The following CD22 variants were observed in gnomAD, a reference collection of about 807,000 sequenced individuals.
The protein encoded by CD22 is B-cell receptor CD22.
CD22 carries 51 observed loss-of-function variants against 94.7 expected under a neutral mutation model. The ratio of observed to expected loss-of-function variants is 0.54; its 90% CI spans 0.43 to 0.68. The LOEUF is 0.68. Among genes scored for constraint, CD22 ranks in the 30% least tolerant of loss-of-function variants. CD22 has a pLI of 0.00. For synonymous variants in CD22, 424 were observed against 422.5 expected, an observed-to-expected ratio of 1.00 and a Z score of -0.04; for missense variants, 931 against 1,060.4, an observed-to-expected ratio of 0.88 and a Z score of 1.69.
At chr19:35,345,878 G>T (rs1490147907) in intron 12 of CD22, among the ~76,000 whole-genome samples, 158 bp downstream of exon 12, 2 of 152,218 alleles carry the variant, frequency 1.3e-5, no homozygotes, top group African/African-American at 4.8e-5. Context: ...GTAAGGGCCA[G>T]TCTCCAGAAG....
chr19:35,332,053 G>C lies in CD22; in HGVS notation c.13G>C (p.Gly5Arg), dbSNP rs773232306. 1 of 1,613,754 alleles carries C rather than the reference G, an allele frequency of 6.2e-7. No individual in the cohort carries two copies. The highest frequency in any genetic ancestry group is 1.3e-5 in the African/African-American group (1 of 74,864). Reference protein sequence around the residue: MHLLGPWLLLLVLEY... With the variant: MHLLRPWLLLLVLEY... ...CAGACACGACACCATGCATCTCCTCGGCCCCTGGCTCCTGCTCCTGGGTAA... is the reference window on the plus strand; with the variant it reads ...CAGACACGACACCATGCATCTCCTCCGCCCCTGGCTCCTGCTCCTGGGTAA... The change falls in exon 2 of 14, where the codon GGC (glycine) becomes CGC (arginine). Residue 5 changes from glycine to arginine, a missense_variant. By Grantham distance (125) the Gly-to-Arg change is moderately radical. Transcript: ENST00000085219.
At position 35,346,149 on chromosome 19, in the gene CD22, A is replaced by G; in HGVS notation, c.2328-2A>G. 1 of 1,610,518 alleles carries G rather than the reference A, an allele frequency of 6.2e-7. No homozygotes were observed. The highest frequency in any genetic ancestry group is 8.5e-7 in the Non-Finnish European group (1 of 1,176,862). On this transcript the variant is annotated splice_acceptor_variant, in intron 12 of 13. Coordinates refer to ENST00000085219, the MANE Select transcript of CD22 (RefSeq NM_001771.4). LOFTEE classifies it high-confidence loss of function. ...TGGTCGTCTATCTGCCCTGTCTCTC[A>G]GAGATGCAGAGTCCTCAGAGATGCA...
intron 9 of CD22, 137 bp downstream of exon 9, chr19:35,342,102 CTCT>C (rs2066823963): frequency 2.7e-6 from 2 of 731,270 alleles, no homozygotes; most frequent in Non-Finnish European, 4.4e-6. Flanking sequence ...CCTCCTCCTC[CTCT>C]TCCTCCTTCT....
chr19:35,344,186 A>G (rs538321304), intron 9 of CD22, among the ~76,000 whole-genome samples: 2 of 120,812 alleles, frequency 1.7e-5, no homozygotes, highest in South Asian at 5.4e-4. Context: ...AAAGAGCGAG[A>G]CTCTGTCTCA....
At position 35,341,685 on chromosome 19, in the gene CD22, C is replaced by G; in HGVS notation, c.1772-17C>G. The G allele has an allele frequency of 6.2e-7, 1 of 1,607,138 alleles. No individual in the cohort carries two copies. Among genetic ancestry groups the G allele is most frequent in the South Asian group, 1.1e-5 (1 of 90,856 alleles). On this transcript the variant is annotated splice_polypyrimidine_tract_variant and intron_variant, in intron 8 of 13. Transcript: ENST00000085219. This position sits in a 1 kb window ranked among gnomAD's most constrained non-coding sequence, Gnocchi z 4.0. ...CTGGTAGTGACTTCGCACCCCCTCC[C>G]CCTGCCCGCCATGCAGATGCACCCA...
rs771791232 is a variant in CD22 at position 35,346,593 on chromosome 19, T to G, written c.2440T>G (p.Phe814Val). ...CGACTATGAGAACGTCATTCCAGAT[T>G]TTCCAGAAGATGAGGGGATTCATTA... Reference protein sequence around the residue: ...VGDYENVIPDFPEDEGIHYSE... With the variant: ...VGDYENVIPDVPEDEGIHYSE... Residue 814 changes from phenylalanine (F) to valine (V), a missense_variant, in exon 14 of 14, where the codon TTT becomes GTT. Physicochemically the swap from Phe to Val is conservative, Grantham distance 50. Coordinates refer to ENST00000085219, the MANE Select transcript of CD22 (RefSeq NM_001771.4). The G allele has an allele frequency of 6.2e-7, 1 of 1,605,002 alleles. No individual in the cohort carries two copies. Among genetic ancestry groups the G allele is most frequent in the Non-Finnish European group, 8.5e-7 (1 of 1,175,192 alleles).
At chr19:35,342,846 T>C (rs1220215722) in intron 9 of CD22, among the ~76,000 whole-genome samples, 1 of 152,194 alleles carries the variant, frequency 6.6e-6, no homozygotes, top group East Asian at 1.9e-4. Flanking sequence ...AGTCTCGATC[T>C]GTCACCCAGG....
intron 6 of CD22, among the ~76,000 whole-genome samples, chr19:35,339,413 C>T (rs1167786070): frequency 5.9e-5 from 9 of 151,452 alleles, no homozygotes; most frequent in Non-Finnish European, 1.5e-5. Context: ...AAAAATTAGC[C>T]TGGCATGGTC....
intron 6 of CD22, 32 bp downstream of exon 6, chr19:35,338,463 A>T (rs1338810879): frequency 5.6e-6 from 9 of 1,593,820 alleles, no homozygotes; most frequent in Middle Eastern, 3.4e-4. Flanking sequence ...GGTTCTAGGG[A>T]GAGAAGATGG....
rs778575976 is a variant in CD22 at position 35,345,665 on chromosome 19, G to A, written c.2272G>A (p.Asp758Asn). 1.9e-6 allele frequency: 3 copies of A among 1,614,026 alleles called. No homozygotes were observed. Among genetic ancestry groups the A allele is most frequent in the South Asian group, 2.2e-5 (2 of 91,084 alleles). Residue 758 changes from aspartate (D) to asparagine (N), a missense_variant, in exon 12 of 14, where the codon GAT becomes AAT. Asp to Asn is a conservative substitution (Grantham distance 23, BLOSUM62 1). Coordinates refer to ENST00000085219, the MANE Select transcript of CD22 (RefSeq NM_001771.4). ...SLGCYNPMME[D>N]GISYTTLRFP... ...GGGATGCTACAATCCAATGATGGAA[G>A]ATGGCATTAGCTACACCACCCTGCG...
Position 35,346,808 on chromosome 19 carries a change from ACACACACACG to A in CD22, c.*121_*130del. Reference sequence around the variant, plus strand: ...CTCCTGCGCGCATGTGCGCACACACACACACACACGCACACACACACACACACACTCACTG... The same window carrying A: ...CTCCTGCGCGCATGTGCGCACACACACACACACACACACACACACTCACTG... On this transcript the variant is annotated 3_prime_UTR_variant, in exon 14 of 14. Transcript: ENST00000085219. The A allele has an allele frequency of 9.5e-6, 9 of 947,108 alleles. No homozygotes were observed. The highest frequency in any genetic ancestry group is 1.2e-5 in the Non-Finnish European group (8 of 641,036). The allele number at this position is 947,108 out of a possible 1,614,324, so 58.7% of individuals were successfully genotyped here.
chr19:35,346,131 C>T lies in CD22; in HGVS notation c.2328-20C>T. ...TGGGAGATGCTTCATGCGTGGTCGT[C>T]TATCTGCCCTGTCTCTCAGAGATGC... On this transcript the variant is annotated intron_variant, in intron 12 of 13. Transcript: ENST00000085219. 1 of 1,597,206 alleles carries T rather than the reference C, an allele frequency of 6.3e-7. No individual in the cohort carries two copies. Among genetic ancestry groups the T allele is most frequent in the South Asian group, 1.1e-5 (1 of 90,780 alleles).
At chr19:35,342,067 TTTC>T (rs2066822665) in intron 9 of CD22, 102 bp downstream of exon 9, 2 of 1,066,260 alleles carry the variant, frequency 1.9e-6, no homozygotes, top group Non-Finnish European at 2.7e-6. Flanking sequence ...TCTTTCTCTC[TTTC>T]TTTTCCTCCT....
intron 11 of CD22, 125 bp downstream of exon 11, chr19:35,345,251 C>G: frequency 1.3e-6 from 1 of 784,992 alleles, no homozygotes; most frequent in Non-Finnish European, 2.2e-6. Flanking sequence ...AACCCTGTCT[C>G]TACAAAAAAT....
intron 3 of CD22, among the ~76,000 whole-genome samples, chr19:35,335,563 A>ACAACAACACAACAAC: frequency 1.3e-5 from 2 of 150,506 alleles, no homozygotes; most frequent in East Asian, 2.0e-4. Flanking sequence ...TCTCTAAAGA[A>ACAACAACACAACAAC]AAAAAGAGGC....
Position 35,346,818 on chromosome 19 carries a change from G to GCACACACACACACACACA in CD22, c.*123_*140dup. The GCACACACACACACACACA allele has an allele frequency of 3.0e-6, 2 of 665,664 alleles. No individual in the cohort carries two copies. Among genetic ancestry groups the GCACACACACACACACACA allele is most frequent in the Non-Finnish European group, 4.7e-6 (2 of 423,166 alleles). The allele number at this position is 665,664 out of a possible 1,614,324, so 41.2% of individuals were successfully genotyped here. On this transcript the variant is annotated 3_prime_UTR_variant, in exon 14 of 14. Transcript: ENST00000085219. Reference sequence around the variant, plus strand: ...CATGTGCGCACACACACACACACACGCACACACACACACACACACTCACTG... The same window carrying GCACACACACACACACACA: ...CATGTGCGCACACACACACACACACGCACACACACACACACACACACACACACACACACACACTCACTG...
At chr19:35,330,554 T>C (rs1281605808) in intron 1 of CD22, 1 of 152,332 alleles carries the variant, frequency 6.6e-6, no homozygotes, top group Non-Finnish European at 1.5e-5. Flanking sequence ...AGCTTAGCTT[T>C]CCGCACACCC....
rs1568489502 is a variant in CD22, at chr19:35,341,658, G to C, written c.1772-44G>C. On this transcript the variant is annotated intron_variant, in intron 8 of 13. Coordinates refer to ENST00000085219, the MANE Select transcript of CD22 (RefSeq NM_001771.4). The surrounding 1 kb of genome is among the most constrained non-coding windows in gnomAD (Gnocchi z 4.0). The stretch of plus-strand genomic sequence containing the variant: ...GGAGCAGAGAAGGGACCAGTGGCCT[G>C]CCTGGTAGTGACTTCGCACCCCCTC... The C allele has an allele frequency of 6.2e-7, 1 of 1,606,754 alleles. No individual in the cohort carries two copies. The highest frequency in any genetic ancestry group is 1.7e-5 in the Admixed American group (1 of 59,786).
At chr19:35,335,238 AG>A (rs1220879566) in intron 3 of CD22, among the ~76,000 whole-genome samples, 1 of 151,940 alleles carries the variant, frequency 6.6e-6, no homozygotes, top group Admixed American at 6.6e-5. Context: ...ATTTCGGGTG[AG>A]CAAAAGTGAT....
Sources: allele counts gnomAD v4.1 joint callset (sites outside exome capture counted in the v4.1 genomes callset), GRCh38; gene constraint gnomAD v4.1.1; non-coding constraint Gnocchi (gnomAD v3.1); transcripts MANE v1.5; gene names NCBI Gene and HGNC (gene_info 2026-07-23, HGNC 2026-07-21).